PLCB1: variants seen among roughly 807,000 people sequenced by gnomAD.
PLCB1 encodes the protein 1-phosphatidylinositol 4,5-bisphosphate phosphodiesterase beta-1.
A neutral mutation model predicts 161.8 loss-of-function variants in PLCB1; 46 were observed. The ratio of observed to expected loss-of-function variants is 0.28; its 90% CI spans 0.22 to 0.36. PLCB1 has a LOEUF of 0.36. Among genes scored for constraint, PLCB1 ranks in the 10% least tolerant of loss-of-function variants. PLCB1 has a pLI of 1.00. For missense variants in PLCB1, 1,016 were observed against 1,472.5 expected (o/e 0.69, Z 5.07); for synonymous variants, 517 against 503.7 (o/e 1.03, Z -0.35).
At chr20:8,534,599 G>T (rs1321379500) in intron 3 of PLCB1, among the ~76,000 whole-genome samples, 2 of 152,160 alleles carry the variant, frequency 1.3e-5, no homozygotes, top group African/African-American at 4.8e-5. Flanking sequence ...CGGGGGCGTT[G>T]CTTCCAGCCA....
At chr20:8,673,207 ATACTT>A (rs1327534778) in intron 9 of PLCB1, among the ~76,000 whole-genome samples, 1 of 152,178 alleles carries the variant, frequency 6.6e-6, no homozygotes, top group Non-Finnish European at 1.5e-5. Flanking sequence ...ATTATTTCAG[ATACTT>A]TACTTGTGAA....
chr20:8,694,106 G>T (rs752363243), intron 10 of PLCB1, among the ~76,000 whole-genome samples: 5 of 152,176 alleles, frequency 3.3e-5, no homozygotes, highest in Non-Finnish European at 5.9e-5. Context: ...GGGTAGATGA[G>T]ATGTAATAAT....
intron 2 of PLCB1, among the ~76,000 whole-genome samples, chr20:8,206,846 A>T (rs1394580552): frequency 1.3e-5 from 2 of 152,114 alleles, no homozygotes; most frequent in African/African-American, 4.8e-5. Context: ...GAATCAAATG[A>T]TAAAAAGTTT....
chr20:8,604,611 G>C (rs1987703067), intron 3 of PLCB1, among the ~76,000 whole-genome samples: 1 of 152,082 alleles, frequency 6.6e-6, no homozygotes. Flanking sequence ...AGCAAAACAA[G>C]GGAAAGCATT....
At chr20:8,296,085 T>G (rs1208427567) in intron 2 of PLCB1, among the ~76,000 whole-genome samples, 2 of 152,156 alleles carry the variant, frequency 1.3e-5, no homozygotes, top group Admixed American at 6.6e-5. Flanking sequence ...TATATTAAGA[T>G]AGTCACTGCA....
chr20:8,444,374 G>A (rs534221939), intron 3 of PLCB1, among the ~76,000 whole-genome samples: 1 of 152,296 alleles, frequency 6.6e-6, no homozygotes, highest in East Asian at 1.9e-4. Flanking sequence ...CAAAGGACAT[G>A]AACTCATCCT....
intron 3 of PLCB1, among the ~76,000 whole-genome samples, chr20:8,605,414 T>A (rs992985448): frequency 6.6e-6 from 1 of 152,104 alleles, no homozygotes; most frequent in Non-Finnish European, 1.5e-5. Context: ...TTGAACACAC[T>A]TAATACTTCA....
intron 3 of PLCB1, among the ~76,000 whole-genome samples, chr20:8,388,214 T>C (rs1367383877): frequency 6.6e-6 from 1 of 152,160 alleles, no homozygotes; most frequent in Admixed American, 6.5e-5. Context: ...TTTTCCCTTA[T>C]ATCATGACCG....
At chr20:8,465,165 A>G (rs1422926187) in intron 3 of PLCB1, among the ~76,000 whole-genome samples, 3 of 151,890 alleles carry the variant, frequency 2.0e-5, no homozygotes, top group African/African-American at 7.3e-5. Flanking sequence ...ATATATTTTC[A>G]TGGAACTTTC....
chr20:8,815,586 A>G (rs1985048489), intron 31 of PLCB1, among the ~76,000 whole-genome samples: 1 of 127,822 alleles, frequency 7.8e-6, no homozygotes, highest in African/African-American at 4.8e-5. Flanking sequence ...AAGAGGCCCA[A>G]GAGGTCCACT....
intron 12 of PLCB1, among the ~76,000 whole-genome samples, chr20:8,709,151 G>A (rs1256296054): frequency 1.3e-5 from 2 of 152,096 alleles, no homozygotes; most frequent in African/African-American, 4.8e-5. Context: ...GGTGGGGGGA[G>A]AGCTGTGAAT....
At chr20:8,306,980 T>C (rs1984160747) in intron 2 of PLCB1, among the ~76,000 whole-genome samples, 5 of 152,234 alleles carry the variant, frequency 3.3e-5, no homozygotes. Context: ...CAAATACTTA[T>C]CTCTGATTTA....
intron 3 of PLCB1, among the ~76,000 whole-genome samples, chr20:8,614,078 A>G (rs1195103312): frequency 1.3e-5 from 2 of 152,134 alleles, no homozygotes; most frequent in African/African-American, 4.8e-5. Context: ...TTTCTACTCT[A>G]AAAGACATGT....
chr20:8,650,610 T>C (rs1989291478), intron 7 of PLCB1, among the ~76,000 whole-genome samples: 1 of 152,234 alleles, frequency 6.6e-6, no homozygotes, highest in Non-Finnish European at 1.5e-5. Context: ...AATTCTTTCC[T>C]GAGTGAAGCC....
intron 3 of PLCB1, among the ~76,000 whole-genome samples, chr20:8,542,247 G>A (rs549604675): frequency 2.0e-5 from 3 of 152,184 alleles, no homozygotes; most frequent in African/African-American, 4.8e-5. Context: ...CTAGTGCCTC[G>A]GGCATTCCTG....
At chr20:8,278,293 AAT>A (rs1272909573) in intron 2 of PLCB1, among the ~76,000 whole-genome samples, 1 of 146,310 alleles carries the variant, frequency 6.8e-6, no homozygotes, top group South Asian at 2.1e-4. Context: ...ATATTTATAT[AAT>A]ATATAAAAAT....
At chr20:8,561,734 T>G (rs1024247795) in intron 3 of PLCB1, among the ~76,000 whole-genome samples, 1 of 152,068 alleles carries the variant, frequency 6.6e-6, no homozygotes, top group African/African-American at 2.4e-5. Flanking sequence ...AAGTGGAATT[T>G]ATAGAATAAG....
At position 8,883,664 on chromosome 20, in the gene PLCB1, C is replaced by T. The variant is rs1252984480; in HGVS notation, c.*1815C>T. On this transcript the variant is annotated 3_prime_UTR_variant, in exon 32 of 32. Transcript: ENST00000338037. ...AATTAAATTTTAATCAAAATGAAGGCTTAGTTCAAACATAAGGAAACAGTG... is the reference window on the plus strand; with the variant it reads ...AATTAAATTTTAATCAAAATGAAGGTTTAGTTCAAACATAAGGAAACAGTG... 6.6e-6 allele frequency: 1 copy of T among 151,660 alleles called. No individual in the cohort carries two copies. The highest frequency in any genetic ancestry group is 2.4e-5 in the African/African-American group (1 of 41,176). 9.4% of individuals were successfully genotyped at this position (151,660 alleles called of 1,614,324 possible). A position where few individuals can be genotyped will look rare whatever the true frequency, so the allele number is the denominator to read the frequency against.
intron 3 of PLCB1, among the ~76,000 whole-genome samples, chr20:8,546,335 A>T (rs886228460): frequency 7.1e-6 from 1 of 140,572 alleles, no homozygotes; most frequent in Non-Finnish European, 1.6e-5. Flanking sequence ...AAAAAAAAAA[A>T]AAAGAAAGAA....
Sources: allele counts gnomAD v4.1 joint callset (sites outside exome capture counted in the v4.1 genomes callset), GRCh38; gene constraint gnomAD v4.1.1; transcripts MANE v1.5; gene names NCBI Gene and HGNC (gene_info 2026-07-23, HGNC 2026-07-21).